Variants in CCNH observed in about 807,000 individuals in gnomAD.
CCNH encodes cyclin H.
Under a neutral mutation model 41.9 loss-of-function variants are expected in CCNH, and 31 were observed. The ratio of observed to expected loss-of-function variants is 0.74; its 90% CI spans 0.56 to 1.00. CCNH has a LOEUF of 1.00. Among genes scored for constraint, CCNH ranks in the 50% least tolerant of loss-of-function variants. The pLI is 0.00. For synonymous variants in CCNH, 138 were observed against 136.1 expected, an observed-to-expected ratio of 1.01 and a Z score of -0.10; for missense variants, 362 against 388.4, an observed-to-expected ratio of 0.93 and a Z score of 0.57.
rs374358938 is a variant in CCNH, at chr5:87,399,366, A to G, written c.872+28T>C. On this transcript the variant is annotated intron_variant, in intron 7 of 8. Transcript: ENST00000256897. ...GCTGGACTGGATAACAGTTATGTCT[A>G]TTGATTAACACTGTCACATTAACTT... 7.0e-5 allele frequency: 104 copies of G among 1,483,298 alleles called. No individual in the cohort carries two copies. The South Asian group carries it at 1.0e-3, about 15-fold the overall frequency. The allele number at this position is 1,483,298 out of a possible 1,614,324, so 91.9% of individuals were successfully genotyped here.
At chr5:87,337,309 C>T (rs1199922930) in intron 9 of CCNH, among the ~76,000 whole-genome samples, 3 of 151,972 alleles carry the variant, frequency 2.0e-5, no homozygotes, top group Non-Finnish European at 4.4e-5. Flanking sequence ...CATCTCTGTA[C>T]TCTTAAATTG....
rs991774536 is a variant in CCNH, at chr5:87,330,914, A to G, written c.*91-12017T>C. ...CGCAGGGCACAAACACTAAAATGGAATAAAACATTTTATATTCTCATAGGT... is the reference window on the plus strand; with the variant it reads ...CGCAGGGCACAAACACTAAAATGGAGTAAAACATTTTATATTCTCATAGGT... On this transcript the variant is annotated intron_variant and NMD_transcript_variant, in intron 9 of 9. Coordinates refer to the CCNH transcript ENST00000645953. 5 of 1,367,770 alleles carry G rather than the reference A, an allele frequency of 3.7e-6. No individual in the cohort carries two copies. The East Asian group carries it at 1.3e-4, about 36-fold the overall frequency. The allele number at this position is 1,367,770 out of a possible 1,614,324, so 84.7% of individuals were successfully genotyped here. A position where few individuals can be genotyped will look rare whatever the true frequency, so the allele number is the denominator to read the frequency against.
chr5:87,404,460 T>C (rs921901570), intron 5 of CCNH, among the ~76,000 whole-genome samples: 4 of 152,224 alleles, frequency 2.6e-5, no homozygotes, highest in Non-Finnish European at 4.4e-5. Flanking sequence ...GGCTGCTAGC[T>C]TGTGCTTCAG....
In CCNH at chr5:87,338,578, G is replaced by A. The variant is rs896544914; in HGVS notation, c.*91-19681C>T. On this transcript the variant is annotated intron_variant and NMD_transcript_variant, in intron 9 of 9. Transcript: ENST00000645953. ...GTAGAAATGGGGTTTTACCATGTTG[G>A]CCAGGCTGGTCTCAAACGCCTGACC... Among the ~76,000 whole-genome samples the A allele has an allele frequency of 6.8e-4, 93 of 137,702 alleles. 1 individual carries two copies. Among genetic ancestry groups the A allele is most frequent in the Non-Finnish European group, 1.2e-3 (75 of 65,024 alleles). The allele number at this position is 137,702 out of a possible 152,430, so 90.3% of individuals were successfully genotyped here.
At position 87,376,670 on chromosome 5, in the gene CCNH, C is replaced by A; in HGVS notation, n.511G>T. ...AACATAGTAATTCATAGCTTAGTAG[C>A]ACAATGATGCCAGAGATTTTAAACC... is the stretch of plus-strand genomic sequence containing the variant. On this transcript the variant is annotated non_coding_transcript_exon_variant, in exon 1 of 1. Transcript: ENST00000607486. 3.6e-6 allele frequency: 5 copies of A among 1,376,510 alleles called. No individual in the cohort carries two copies. The South Asian group carries it at 4.9e-5, about 14-fold the overall frequency. 85.3% of individuals were successfully genotyped at this position (1,376,510 alleles called of 1,614,324 possible).
At chr5:87,375,007 A>G, downstream of CCNH, 3 of 1,465,652 alleles carry the variant, frequency 2.0e-6, no homozygotes, top group Non-Finnish European at 2.7e-6. Context: ...AGAAATTAAA[A>G]AAACAGAAAT....
At chr5:87,371,985 G>GTA (rs1157499595), downstream of CCNH, 4 of 650,968 alleles carry the variant, frequency 6.1e-6, no homozygotes, top group African/African-American at 7.4e-5. Context: ...ATGAAGTACA[G>GTA]TATAGTCTGA....
At chr5:87,394,938 A>C in intron 8 of CCNH, 106 bp downstream of exon 8, 2 of 1,564,954 alleles carry the variant, frequency 1.3e-6, no homozygotes, top group Non-Finnish European at 8.6e-7. Flanking sequence ...GAAAAAACCC[A>C]CAACTCTATA....
chr5:87,338,753 T>C (rs1303281135), intron 9 of CCNH, among the ~76,000 whole-genome samples: 1 of 151,302 alleles, frequency 6.6e-6, no homozygotes, highest in Non-Finnish European at 1.5e-5. Context: ...TCATGAAACC[T>C]CAACTGGTTA....
At chr5:87,395,215 G>A (rs182135572) in intron 7 of CCNH, 111 bp from the exon 8 acceptor site, 3 of 786,446 alleles carry the variant, frequency 3.8e-6, no homozygotes, top group Admixed American at 2.7e-5. Flanking sequence ...TGAACAACAA[G>A]GCCAGGATAA....
intron 9 of CCNH, chr5:87,362,419 A>C (rs1206931304): frequency 7.2e-6 from 6 of 829,852 alleles, no homozygotes; most frequent in Non-Finnish European, 1.1e-5. Context: ...AAAGCAAAAG[A>C]TCATTTATGT....
In CCNH at chr5:87,399,419, C is replaced by G. The variant is rs200031964; in HGVS notation, c.847G>C (p.Ala283Pro). The change falls in exon 7 of 9, where the codon GCT (alanine) becomes CCT (proline). Residue 283 changes from alanine to proline, a missense_variant. Coordinates refer to ENST00000256897, the MANE Select transcript of CCNH (RefSeq NM_001239.4). ...LKQKLERCHS[A>P]ELALNVITKK... ...GTGATTACGTTAAGTGCAAGCTCAG[C>G]AGAATGACATCGCTCCAACTTCTGT... 1.2e-6 allele frequency: 2 copies of G among 1,613,516 alleles called. No individual in the cohort carries two copies. The highest frequency in any genetic ancestry group is 1.7e-6 in the Non-Finnish European group (2 of 1,179,500).
At chr5:87,332,663 A>C in intron 9 of CCNH, 13 of 1,597,522 alleles carry the variant, frequency 8.1e-6, no homozygotes, top group Non-Finnish European at 1.1e-5. Context: ...TGAATAAAAT[A>C]TCTTTCAAAA....
chr5:87,338,106 T>G (rs1279108841), intron 9 of CCNH: 2 of 1,611,682 alleles, frequency 1.2e-6, no homozygotes, highest in Non-Finnish European at 8.5e-7. Context: ...GTTTTGTTCT[T>G]TTCTTCTCAA....
intron 9 of CCNH, chr5:87,337,975 T>C: frequency 6.2e-7 from 1 of 1,604,612 alleles, no homozygotes. Flanking sequence ...TATTTTCAGT[T>C]TCTTAAAAGG....
chr5:87,399,811 T>TA (rs141836526), intron 6 of CCNH, among the ~76,000 whole-genome samples: 2,118 of 150,216 alleles, frequency 0.014, 35 homozygotes, highest in African/African-American at 0.048. Flanking sequence ...TTTTAAGACT[T>TA]AAAAAAAAAA....
chr5:87,365,541 G>C (rs145918290), intron 9 of CCNH, among the ~76,000 whole-genome samples: 1 of 151,762 alleles, frequency 6.6e-6, no homozygotes, highest in Non-Finnish European at 1.5e-5. Context: ...TTTAATTATC[G>C]TAAAATATAT....
chr5:87,314,528 G>A, downstream of CCNH, among the ~76,000 whole-genome samples: 1 of 152,112 alleles, frequency 6.6e-6, no homozygotes, highest in South Asian at 2.1e-4. Context: ...TGGATATGAG[G>A]GAAACAGGTA....
intron 9 of CCNH, among the ~76,000 whole-genome samples, chr5:87,346,484 T>C (rs1212884248): frequency 1.3e-5 from 2 of 151,954 alleles, no homozygotes; most frequent in Non-Finnish European, 2.9e-5. Flanking sequence ...AGTTTTACTA[T>C]CTTTAGTTGA....
Sources: gnomAD v4.1 joint callset for allele counts (sites outside exome capture counted in the v4.1 genomes callset) on GRCh38, gnomAD v4.1.1 for gene constraint, MANE v1.5 for transcripts, NCBI Gene and HGNC (gene_info 2026-07-23, HGNC 2026-07-21) for gene names.